Variants in CASZ1 observed in about 807,000 individuals in gnomAD.
CASZ1 encodes the protein zinc finger protein castor homolog 1.
Under a neutral mutation model 135.2 loss-of-function variants are expected in CASZ1, and 28 were observed. The ratio of observed to expected loss-of-function variants is 0.21; its 90% CI spans 0.15 to 0.28. The LOEUF is 0.28. Among genes scored for constraint, CASZ1 ranks in the 10% least tolerant of loss-of-function variants. The probability of loss-of-function intolerance (pLI) is 1.00; values close to 1 mark genes in which losing one functional copy is unlikely to be tolerated. For missense variants in CASZ1, 2,161 were observed against 2,453.3 expected, an observed-to-expected ratio of 0.88 and a Z score of 2.52; for synonymous variants, 1,068 against 1,073.4, an observed-to-expected ratio of 0.99 and a Z score of 0.10.
At chr1:10,731,765 A>G (rs1438268144) in intron 2 of CASZ1, among the ~76,000 whole-genome samples, 1 of 152,218 alleles carries the variant, frequency 6.6e-6, no homozygotes, top group Admixed American at 6.5e-5. Flanking sequence ...CCAACTACAC[A>G]TCTGTCTCCA....
intron 4 of CASZ1, among the ~76,000 whole-genome samples, chr1:10,680,065 G>A (rs1460576238): frequency 6.6e-6 from 1 of 152,102 alleles, no homozygotes; most frequent in Non-Finnish European, 1.5e-5. Flanking sequence ...AGGCTGGGGT[G>A]GGGCAGGCTG....
intron 8 of CASZ1, among the ~76,000 whole-genome samples, chr1:10,656,410 T>C (rs1034325386): frequency 2.0e-5 from 3 of 152,208 alleles, no homozygotes; most frequent in Non-Finnish European, 2.9e-5. Context: ...CAAAGGGGAC[T>C]GGAATGATCA....
intron 2 of CASZ1, among the ~76,000 whole-genome samples, chr1:10,743,735 GC>G (rs931321319): frequency 1.3e-5 from 2 of 151,412 alleles, no homozygotes; most frequent in Non-Finnish European, 2.9e-5. Flanking sequence ...CCCTGTTTGT[GC>G]CCCTCTCCAG....
At chr1:10,787,326 C>A (rs1640875814) in intron 1 of CASZ1, among the ~76,000 whole-genome samples, 2 of 152,214 alleles carry the variant, frequency 1.3e-5, no homozygotes, top group Admixed American at 6.5e-5. Flanking sequence ...GACAGTTAGA[C>A]CTGAGTGGAG....
intron 2 of CASZ1, among the ~76,000 whole-genome samples, chr1:10,734,094 C>T (rs1412119894): frequency 1.3e-5 from 2 of 152,182 alleles, no homozygotes; most frequent in African/African-American, 4.8e-5. Context: ...CCTGCTCTCT[C>T]AAAGTACAAC....
chr1:10,712,574 A>G (rs916299646), intron 2 of CASZ1, among the ~76,000 whole-genome samples: 1 of 152,036 alleles, frequency 6.6e-6, no homozygotes, highest in Non-Finnish European at 1.5e-5. Context: ...GGTGACTTCA[A>G]ATGGGCCCTC....
rs373591122 is a variant in CASZ1 at position 10,639,978 on chromosome 1, C to T, written c.4244G>A (p.Arg1415Gln). The stretch of plus-strand genomic sequence containing the variant: ...CTTCCGGGAGGACGCCGTCTTCCGC[C>T]GCTTGCCGAAGGGCGACATGTCCTC... ...IIEDMSPFGKRRKTASSRKML... is the reference protein window; with the variant it reads ...IIEDMSPFGKQRKTASSRKML... The change falls in exon 21 of 21, where the codon CGG (arginine) becomes CAG (glutamine). Residue 1415 changes from arginine to glutamine, a missense_variant. Arg to Gln is a conservative substitution (Grantham distance 43, BLOSUM62 1). Coordinates refer to ENST00000377022, the MANE Select transcript of CASZ1 (RefSeq NM_001079843.3). This position sits in a 1 kb window ranked among gnomAD's most constrained non-coding sequence, Gnocchi z 4.0. The T allele has an allele frequency of 4.3e-6, 7 of 1,612,688 alleles. No individual in the cohort carries two copies. Among genetic ancestry groups the T allele is most frequent in the Non-Finnish European group, 5.1e-6 (6 of 1,180,026 alleles).
chr1:10,744,888 AC>A (rs2100541855), intron 2 of CASZ1, among the ~76,000 whole-genome samples: 1 of 152,294 alleles, frequency 6.6e-6, no homozygotes, highest in South Asian at 2.1e-4. Flanking sequence ...TACACGGTAC[AC>A]GCAGACGCAT....
intron 3 of CASZ1, among the ~76,000 whole-genome samples, chr1:10,695,995 G>C (rs543785765): frequency 6.6e-6 from 1 of 152,148 alleles, no homozygotes; most frequent in East Asian, 1.9e-4. Flanking sequence ...ATGAGGGGAG[G>C]GGAGCAGGGC....
intron 5 of CASZ1, among the ~76,000 whole-genome samples, chr1:10,664,497 C>G (rs925144837): frequency 6.6e-6 from 1 of 152,126 alleles, no homozygotes; most frequent in African/African-American, 2.4e-5. Context: ...ATACGCTGGC[C>G]GGGCTGGCAA....
chr1:10,666,645 G>A lies in CASZ1; in HGVS notation c.17-1074C>T, dbSNP rs569331744. On this transcript the variant is annotated intron_variant, in intron 4 of 20. Coordinates refer to ENST00000377022, the MANE Select transcript of CASZ1 (RefSeq NM_001079843.3). This position sits in a 1 kb window ranked among gnomAD's most constrained non-coding sequence, Gnocchi z 5.2. ...AGCCGGAAGGAAGCCCTCATGAGGC[G>A]ACTTGAGAGCCAGCGACCTCCCTCG... is the stretch of plus-strand genomic sequence containing the variant. Among the ~76,000 whole-genome samples, 2 of 152,260 alleles carry A rather than the reference G, an allele frequency of 1.3e-5. No homozygotes were observed. Among genetic ancestry groups the A allele is most frequent in the South Asian group, 2.1e-4 (1 of 4,824 alleles).
In CASZ1 at chr1:10,660,116, G is replaced by A; in HGVS notation, c.926C>T (p.Ala309Val). 1 of 1,614,132 alleles carries A rather than the reference G, an allele frequency of 6.2e-7. No homozygotes were observed. The highest frequency in any genetic ancestry group is 8.5e-7 in the Non-Finnish European group (1 of 1,180,012). The stretch of plus-strand genomic sequence containing the variant: ...TTGGATGAAGAAGTCGTACTTGGAG[G>A]CCCGGGCTACCAGGTTCTGCATCTG... ...SVQMQNLVARASKYDFFIQKL... is the reference protein window; with the variant it reads ...SVQMQNLVARVSKYDFFIQKL... The change falls in exon 6 of 21, where the codon GCC becomes GTC. Residue 309 changes from alanine to valine, a missense_variant. Coordinates refer to ENST00000377022, the MANE Select transcript of CASZ1 (RefSeq NM_001079843.3).
rs1642401332 is a variant in CASZ1 at position 10,647,564 on chromosome 1, G to A, written c.3497+237C>T. On this transcript the variant is annotated intron_variant, in intron 16 of 20. Coordinates refer to ENST00000377022, the MANE Select transcript of CASZ1 (RefSeq NM_001079843.3). The surrounding 1 kb of genome is among the most constrained non-coding windows in gnomAD (Gnocchi z 4.9). ...CAGGATCACCACATGCCCTGCAGGA[G>A]CAGTAGCCACTGCCGCCACCATCGG... 8.5e-6 allele frequency: 12 copies of A among 1,405,638 alleles called. No homozygotes were observed. The highest frequency in any genetic ancestry group is 1.1e-5 in the Non-Finnish European group (12 of 1,080,680). The allele number at this position is 1,405,638 out of a possible 1,614,324, so 87.1% of individuals were successfully genotyped here.
At chr1:10,780,173 C>G (rs1242773803) in intron 1 of CASZ1, among the ~76,000 whole-genome samples, 1 of 152,222 alleles carries the variant, frequency 6.6e-6, no homozygotes, top group African/African-American at 2.4e-5. Flanking sequence ...ATTTTTATAT[C>G]TGAATATCTC....
At chr1:10,713,897 G>A (rs565098780) in intron 2 of CASZ1, among the ~76,000 whole-genome samples, 15 of 152,226 alleles carry the variant, frequency 9.9e-5, no homozygotes, top group African/African-American at 2.9e-4. Context: ...CTCCACCACC[G>A]TCTGACCCAT....
intron 2 of CASZ1, among the ~76,000 whole-genome samples, chr1:10,729,390 C>T (rs971378436): frequency 6.6e-6 from 1 of 152,184 alleles, no homozygotes; most frequent in Non-Finnish European, 1.5e-5. Context: ...TCCCTCTCCC[C>T]GGCCACCCCA....
chr1:10,722,676 G>T (rs1639522577), intron 2 of CASZ1, among the ~76,000 whole-genome samples: 1 of 152,242 alleles, frequency 6.6e-6, no homozygotes, highest in Admixed American at 6.5e-5. Context: ...GACTGGCCCA[G>T]GGCTCCATGT....
In CASZ1 at chr1:10,679,932, C is replaced by A. The variant is rs1638358588; in HGVS notation, c.16+13942G>T. 6.6e-6 allele frequency among the ~76,000 whole-genome samples: 1 copy of A among 152,200 alleles called. No homozygotes were observed. Among genetic ancestry groups the A allele is most frequent in the Non-Finnish European group, 1.5e-5 (1 of 68,038 alleles). On this transcript the variant is annotated intron_variant, in intron 4 of 20. Transcript: ENST00000377022. This position sits in a 1 kb window ranked among gnomAD's most constrained non-coding sequence, Gnocchi z 4.7. Reference sequence around the variant, plus strand: ...ATCCCTACCCATTACCCGTCCCAAACCCAGCTGCCAAGTGAGGGAGGAAGG... The same window carrying A: ...ATCCCTACCCATTACCCGTCCCAAAACCAGCTGCCAAGTGAGGGAGGAAGG...
chr1:10,657,752 G>A lies in CASZ1; in HGVS notation c.1409+756C>T, dbSNP rs1462646521. On this transcript the variant is annotated intron_variant, in intron 7 of 20. Coordinates refer to ENST00000377022, the MANE Select transcript of CASZ1 (RefSeq NM_001079843.3). This position sits in a 1 kb window ranked among gnomAD's most constrained non-coding sequence, Gnocchi z 5.7. ...AACCTGGAAGATCTGCGGACAGACAGGCGCCAGCCGCTGGGTGCTGCCCCA... is the reference window on the plus strand; with the variant it reads ...AACCTGGAAGATCTGCGGACAGACAAGCGCCAGCCGCTGGGTGCTGCCCCA... 2.7e-5 allele frequency among the ~76,000 whole-genome samples: 4 copies of A among 148,964 alleles called. No individual in the cohort carries two copies. Among genetic ancestry groups the A allele is most frequent in the African/African-American group, 1.0e-4 (4 of 40,152 alleles).
Sources: allele counts gnomAD v4.1 joint callset (sites outside exome capture counted in the v4.1 genomes callset), GRCh38; gene constraint gnomAD v4.1.1; non-coding constraint Gnocchi (gnomAD v3.1); transcripts MANE v1.5; gene names NCBI Gene and HGNC (gene_info 2026-07-23, HGNC 2026-07-21).